LRRC7: variants seen among roughly 807,000 people sequenced by gnomAD.
The protein encoded by LRRC7 is leucine rich repeat containing 7.
In LRRC7, 23 loss-of-function variants were observed where a neutral mutation model predicts 175.7. The ratio of observed to expected loss-of-function variants is 0.13; its 90% CI spans 0.09 to 0.19. LRRC7 has a LOEUF of 0.19. LRRC7 is among the 10% of genes least tolerant of loss of function. The pLI is 1.00. For missense variants in LRRC7, 1,354 were observed against 1,904.7 expected, an observed-to-expected ratio of 0.71 and a Z score of 5.38; for synonymous variants, 685 against 680.9, an observed-to-expected ratio of 1.01 and a Z score of -0.09.
At chr1:70,020,908 G>T in intron 15 of LRRC7, 97 bp from the exon 16 acceptor site, 1 of 844,026 alleles carries the variant, frequency 1.2e-6, no homozygotes, top group Non-Finnish European at 1.6e-6. Context: ...TTCCGTATTT[G>T]TTTGTAGTAT....
intron 7 of LRRC7, among the ~76,000 whole-genome samples, chr1:69,862,627 C>T (rs1426557497): frequency 6.6e-6 from 1 of 152,142 alleles, no homozygotes; most frequent in African/African-American, 2.4e-5. Context: ...ATGCAGTTAA[C>T]TAAAGATATT....
chr1:69,685,550 A>C (rs1661035239), intron 2 of LRRC7, among the ~76,000 whole-genome samples: 1 of 152,172 alleles, frequency 6.6e-6, no homozygotes, highest in African/African-American at 2.4e-5. Context: ...AACCAAATGG[A>C]AATTATGTAA....
chr1:69,909,530 A>G (rs1011565358), intron 7 of LRRC7, among the ~76,000 whole-genome samples: 7 of 151,984 alleles, frequency 4.6e-5, no homozygotes, highest in Non-Finnish European at 8.8e-5. Context: ...TCACTTATGA[A>G]GCTTAGTTTG....
At chr1:69,791,859 C>G (rs375467704) in intron 3 of LRRC7, among the ~76,000 whole-genome samples, 184 bp from the exon 4 acceptor site, 9 of 152,026 alleles carry the variant, frequency 5.9e-5, no homozygotes, top group African/African-American at 2.2e-4. Flanking sequence ...GAGGCACTAA[C>G]ATGGGAATAG....
In LRRC7 at chr1:70,070,195, G is replaced by C. The variant is rs141108256; in HGVS notation, c.4231-5882G>C. 3.3e-5 allele frequency among the ~76,000 whole-genome samples: 5 copies of C among 152,020 alleles called. No individual in the cohort carries two copies. In the East Asian group the frequency reaches 9.7e-4, roughly 29 times the overall value. ...TTTCTTAAAAAGACAGCGTTTCGCC[G>C]TGTTGCCCAGGCTGGTCTTGAACTC... On this transcript the variant is annotated intron_variant, in intron 23 of 26. Coordinates refer to ENST00000651989, the MANE Select transcript of LRRC7 (RefSeq NM_001370785.2).
intron 1 of LRRC7, among the ~76,000 whole-genome samples, chr1:69,639,573 T>TTC (rs1653894251): frequency 6.6e-6 from 1 of 151,798 alleles, no homozygotes; most frequent in Admixed American, 6.6e-5. Context: ...TATAAGGACA[T>TTC]CTTTAAAGGG....
At chr1:69,892,913 G>C (rs1250315700) in intron 7 of LRRC7, among the ~76,000 whole-genome samples, 1 of 152,148 alleles carries the variant, frequency 6.6e-6, no homozygotes, top group Admixed American at 6.5e-5. Flanking sequence ...TTCTGTTTAA[G>C]AAATCAAATT....
intron 24 of LRRC7, among the ~76,000 whole-genome samples, chr1:70,086,065 G>C (rs142792431): frequency 3.3e-5 from 5 of 151,968 alleles, no homozygotes; most frequent in Non-Finnish European, 7.4e-5. Context: ...AGGAGTCATC[G>C]TATACTTTTT....
intron 26 of LRRC7, among the ~76,000 whole-genome samples, chr1:70,120,051 C>T (rs1666112122): frequency 6.6e-6 from 1 of 152,056 alleles, no homozygotes; most frequent in Non-Finnish European, 1.5e-5. Context: ...TTGCTATGTT[C>T]CTGATGTCTG....
chr1:69,699,908 G>A (rs1165716845), intron 2 of LRRC7, among the ~76,000 whole-genome samples: 1 of 152,162 alleles, frequency 6.6e-6, no homozygotes, highest in East Asian at 1.9e-4. Context: ...CAACTGCAGG[G>A]AATTTATTTC....
intron 7 of LRRC7, among the ~76,000 whole-genome samples, chr1:69,902,627 T>A (rs1913267): frequency 0.012 from 1,892 of 152,238 alleles, 33 homozygotes; most frequent in African/African-American, 0.043. Context: ...GAAGTATCAG[T>A]ATAGTACAAA....
intron 4 of LRRC7, among the ~76,000 whole-genome samples, chr1:69,811,087 AC>A (rs1429830823): frequency 1.3e-5 from 2 of 152,184 alleles, no homozygotes; most frequent in African/African-American, 4.8e-5. Context: ...GAAAAAAACA[AC>A]CCCATCAAAA....
intron 7 of LRRC7, among the ~76,000 whole-genome samples, chr1:69,872,371 A>G (rs567644543): frequency 9.2e-5 from 14 of 152,042 alleles, no homozygotes; most frequent in Non-Finnish European, 2.1e-4. Context: ...CTGAAAAATT[A>G]TGTTCAATAA....
chr1:69,956,608 A>G (rs1341412471), intron 8 of LRRC7, among the ~76,000 whole-genome samples: 1 of 151,778 alleles, frequency 6.6e-6, no homozygotes, highest in Non-Finnish European at 1.5e-5. Context: ...GAAAATAAAT[A>G]TATTAAATAT....
At chr1:69,763,118 A>G (rs1489310560) in intron 3 of LRRC7, among the ~76,000 whole-genome samples, 1 of 152,068 alleles carries the variant, frequency 6.6e-6, no homozygotes, top group Non-Finnish European at 1.5e-5. Flanking sequence ...AATGCATCAG[A>G]GTTCATTATA....
At chr1:69,704,023 T>C (rs1663711035) in intron 2 of LRRC7, among the ~76,000 whole-genome samples, 1 of 152,042 alleles carries the variant, frequency 6.6e-6, no homozygotes, top group Admixed American at 6.6e-5. Context: ...AAAATTAATG[T>C]GCTTCTTTGT....
At chr1:69,581,265 A>G (rs2100917881) in intron 1 of LRRC7, among the ~76,000 whole-genome samples, 1 of 152,338 alleles carries the variant, frequency 6.6e-6, no homozygotes, top group South Asian at 2.1e-4. Flanking sequence ...ACTTAGATGA[A>G]GGTGAGAGTG....
chr1:69,934,883 G>A (rs1172786942), intron 8 of LRRC7, among the ~76,000 whole-genome samples: 1 of 151,986 alleles, frequency 6.6e-6, no homozygotes, highest in Non-Finnish European at 1.5e-5. Flanking sequence ...TCCCCTCCCT[G>A]TGCTGGAAAA....
intron 22 of LRRC7, among the ~76,000 whole-genome samples, chr1:70,052,114 A>C (rs532162548): frequency 1.3e-5 from 2 of 152,146 alleles, no homozygotes; most frequent in South Asian, 4.1e-4. Flanking sequence ...CCACAGAAGA[A>C]TTCCCTCAGG....
Sources: gnomAD v4.1 joint callset for allele counts (sites outside exome capture counted in the v4.1 genomes callset) on GRCh38, gnomAD v4.1.1 for gene constraint, MANE v1.5 for transcripts, NCBI Gene and HGNC (gene_info 2026-07-23, HGNC 2026-07-21) for gene names.